TMEM132B: variants seen among roughly 807,000 people sequenced by gnomAD.
TMEM132B encodes the protein transmembrane protein 132B.
In TMEM132B, 18 loss-of-function variants were observed where a neutral mutation model predicts 90.8. The observed-to-expected ratio is 0.20, with a 90% CI of 0.14 to 0.29. The LOEUF is 0.29. Ranked by LOEUF, TMEM132B falls within the 10% of genes least tolerant of loss-of-function variation. The pLI is 1.00. For synonymous variants in TMEM132B, 504 were observed against 523.3 expected (o/e 0.96, Z 0.50); for missense variants, 1,096 against 1,326.8 (o/e 0.83, Z 2.70).
At chr12:125,215,657 G>A (rs1414168971) in intron 1 of TMEM132B, among the ~76,000 whole-genome samples, 6 of 152,014 alleles carry the variant, frequency 3.9e-5, no homozygotes, top group South Asian at 2.1e-4. Flanking sequence ...TTCTCCTGCC[G>A]CAGCCTCCCG....
intron 2 of TMEM132B, 76 bp downstream of exon 2, chr12:125,350,419 G>A: frequency 6.8e-7 from 1 of 1,476,432 alleles, no homozygotes; most frequent in Admixed American, 2.1e-5. Flanking sequence ...AATAAAATGG[G>A]TGTTGATCAT....
intron 1 of TMEM132B, among the ~76,000 whole-genome samples, chr12:125,192,688 G>A (rs1000915672): frequency 6.6e-6 from 1 of 152,176 alleles, no homozygotes; most frequent in Non-Finnish European, 1.5e-5. Flanking sequence ...CGGGAGCCCC[G>A]GCCTGCTTCG....
rs551510500 is a variant in TMEM132B, at chr12:125,654,792, A to G, written c.*82A>G. The G allele has an allele frequency of 1.2e-5, 17 of 1,456,994 alleles. No homozygotes were observed. The East Asian group carries it at 3.7e-4, about 31-fold the overall frequency. The allele number at this position is 1,456,994 out of a possible 1,614,324, so 90.3% of individuals were successfully genotyped here. A position where few individuals can be genotyped will look rare whatever the true frequency, so the allele number is the denominator to read the frequency against. ...CAGTGAGTTTGATCAGCAATAGGGG[A>G]TGATTTAACAAAGTTTGATTTGTGG... On this transcript the variant is annotated 3_prime_UTR_variant, in exon 9 of 9. Transcript: ENST00000682704. The surrounding 1 kb of genome is among the most constrained non-coding windows in gnomAD (Gnocchi z 5.8).
At chr12:125,574,666 G>GT (rs1338462808) in intron 4 of TMEM132B, among the ~76,000 whole-genome samples, 1 of 152,114 alleles carries the variant, frequency 6.6e-6, no homozygotes, top group Non-Finnish European at 1.5e-5. Flanking sequence ...TGGACATAGA[G>GT]TATGAGGCTG....
intron 3 of TMEM132B, among the ~76,000 whole-genome samples, chr12:125,424,794 T>G (rs760947087): frequency 1.1e-4 from 16 of 152,048 alleles, no homozygotes; most frequent in Non-Finnish European, 2.1e-4. Flanking sequence ...GGAGGGGGAC[T>G]CAATTGTGAA....
At chr12:125,345,900 A>G (rs1280168316) in intron 1 of TMEM132B, among the ~76,000 whole-genome samples, 3 of 152,220 alleles carry the variant, frequency 2.0e-5, no homozygotes, top group Non-Finnish European at 4.4e-5. Context: ...GGGAAAAAGA[A>G]TGGTGTTACT....
At chr12:125,505,685 C>T (rs983946019) in intron 3 of TMEM132B, among the ~76,000 whole-genome samples, 17 of 147,092 alleles carry the variant, frequency 1.2e-4, no homozygotes, top group African/African-American at 1.5e-4. Flanking sequence ...GCGACAAGAG[C>T]GAAACCCCGT....
chr12:125,367,585 T>G (rs957258313), intron 2 of TMEM132B, among the ~76,000 whole-genome samples: 1 of 152,160 alleles, frequency 6.6e-6, no homozygotes, highest in African/African-American at 2.4e-5. Flanking sequence ...CAACTGCATT[T>G]TTTTCCAGGT....
chr12:125,489,360 T>A (rs973892697), intron 3 of TMEM132B, among the ~76,000 whole-genome samples: 7 of 152,024 alleles, frequency 4.6e-5, no homozygotes, highest in African/African-American at 1.4e-4. Flanking sequence ...AAATATTTTT[T>A]AATTATTATT....
chr12:125,220,887 C>T (rs1391863362), intron 1 of TMEM132B, among the ~76,000 whole-genome samples: 1 of 152,248 alleles, frequency 6.6e-6, no homozygotes, highest in East Asian at 1.9e-4. Context: ...CCTCTCCTGC[C>T]TTACTCACTC....
intron 1 of TMEM132B, among the ~76,000 whole-genome samples, chr12:125,328,872 A>G (rs2136200383): frequency 6.6e-6 from 1 of 152,170 alleles, no homozygotes; most frequent in East Asian, 1.9e-4. Flanking sequence ...TGGCTTGTTC[A>G]TTCTTCAGCT....
At chr12:125,540,283 C>A (rs758415178) in intron 4 of TMEM132B, among the ~76,000 whole-genome samples, 1 of 152,010 alleles carries the variant, frequency 6.6e-6, no homozygotes, top group Non-Finnish European at 1.5e-5. Context: ...ATGTATTCTG[C>A]TGTTGTTGAG....
At chr12:125,233,157 G>T (rs1873862648) in intron 1 of TMEM132B, among the ~76,000 whole-genome samples, 1 of 152,222 alleles carries the variant, frequency 6.6e-6, no homozygotes, top group Non-Finnish European at 1.5e-5. Flanking sequence ...CCCAGTGTCT[G>T]AAACAAAGTG....
At chr12:125,476,793 G>T (rs1881894204) in intron 3 of TMEM132B, among the ~76,000 whole-genome samples, 1 of 152,124 alleles carries the variant, frequency 6.6e-6, no homozygotes, top group Non-Finnish European at 1.5e-5. Flanking sequence ...AGATACCTTA[G>T]TGCTCAGGCC....
intron 1 of TMEM132B, among the ~76,000 whole-genome samples, chr12:125,342,009 A>G (rs181898101): frequency 6.6e-6 from 1 of 152,208 alleles, no homozygotes; most frequent in Non-Finnish European, 1.5e-5. Context: ...CTCAGACCTG[A>G]TGTTATGCCT....
chr12:125,515,150 A>G (rs899021342), intron 3 of TMEM132B, among the ~76,000 whole-genome samples: 12 of 152,106 alleles, frequency 7.9e-5, no homozygotes, highest in African/African-American at 2.9e-4. Context: ...ACACAAACAC[A>G]TATGTTCGCA....
intron 5 of TMEM132B, among the ~76,000 whole-genome samples, chr12:125,632,194 A>C (rs1219316628): frequency 3.3e-5 from 5 of 152,050 alleles, no homozygotes; most frequent in African/African-American, 1.2e-4. Context: ...TGTGAATACT[A>C]TCTTATAACC....
At chr12:125,504,584 A>G (rs1408706650) in intron 3 of TMEM132B, among the ~76,000 whole-genome samples, 3 of 152,184 alleles carry the variant, frequency 2.0e-5, no homozygotes, top group Admixed American at 6.5e-5. Context: ...AAACATTAGC[A>G]CTGGTGATTC....
At chr12:125,206,611 C>T (rs1873192338) in intron 1 of TMEM132B, among the ~76,000 whole-genome samples, 1 of 152,118 alleles carries the variant, frequency 6.6e-6, no homozygotes, top group Non-Finnish European at 1.5e-5. Flanking sequence ...GGTGTTTAGT[C>T]TTCCTCTGCT....
Sources: gnomAD v4.1 joint callset for allele counts (sites outside exome capture counted in the v4.1 genomes callset) on GRCh38, gnomAD v4.1.1 for gene constraint, Gnocchi (gnomAD v3.1) non-coding constraint, MANE v1.5 for transcripts, NCBI Gene and HGNC (gene_info 2026-07-23, HGNC 2026-07-21) for gene names.